Variants in MALRD1 observed in about 807,000 individuals in gnomAD.
MALRD1 encodes MAM and LDL-receptor class A domain-containing protein 1.
A neutral mutation model predicts 242.1 loss-of-function variants in MALRD1; 247 were observed. That is an observed-to-expected ratio of 1.02 (90% CI 0.92 to 1.13). The LOEUF (loss-of-function observed/expected upper bound fraction) is 1.13. Ranked by LOEUF, MALRD1 falls within the 50% of genes most tolerant of loss-of-function variation. The pLI, the probability that MALRD1 is intolerant of heterozygous loss-of-function variation, is 0.00. For missense variants in MALRD1, 2,989 were observed against 2,533.1 expected, an observed-to-expected ratio of 1.18 and a Z score of -3.86; for synonymous variants, 995 against 866.6, an observed-to-expected ratio of 1.15 and a Z score of -2.60.
intron 31 of MALRD1, among the ~76,000 whole-genome samples, chr10:19,520,780 C>G (rs1833844153): frequency 6.6e-6 from 1 of 152,068 alleles, no homozygotes; most frequent in Non-Finnish European, 1.5e-5. Flanking sequence ...TCTACAGCTG[C>G]TCTATATTTC....
Position 19,439,833 on chromosome 10 carries a change from TCC to T in MALRD1, c.4846-10473_4846-10472del, listed in dbSNP as rs2096220698. 3.9e-5 allele frequency among the ~76,000 whole-genome samples: 6 copies of T among 152,330 alleles called. No homozygotes were observed. The South Asian group carries it at 1.2e-3, about 32-fold the overall frequency. On this transcript the variant is annotated intron_variant, in intron 28 of 39. Transcript: ENST00000454679. ...CTTCCCCACTCCATTTCCCTTTTAC[TCC>T]ATAGGCAACCTTTCTAATGTATATT...
At position 19,688,338 on chromosome 10, in the gene MALRD1, C is replaced by T. The variant is rs146701719; in HGVS notation, c.6138-3944C>T. On this transcript the variant is annotated intron_variant, in intron 36 of 39. Transcript: ENST00000454679. ...ATGTTGGAATGCAGTGCATAGCTCC[C>T]GGCAGCCTCCAACTCTTGGGCTTAA... is the stretch of plus-strand genomic sequence containing the variant. Among the ~76,000 whole-genome samples the T allele has an allele frequency of 1.6e-3, 250 of 152,082 alleles. 7 individuals are homozygous for T. The highest frequency in any genetic ancestry group is 0.016 in the East Asian group (84 of 5,160).
chr10:19,614,158 G>A (rs1290394811), intron 35 of MALRD1, among the ~76,000 whole-genome samples: 1 of 151,958 alleles, frequency 6.6e-6, no homozygotes, highest in Non-Finnish European at 1.5e-5. Flanking sequence ...AACCCTATGA[G>A]ATACTTATTG....
chr10:19,703,023 T>G (rs1398061060), intron 38 of MALRD1, among the ~76,000 whole-genome samples: 1 of 152,314 alleles, frequency 6.6e-6, no homozygotes, highest in East Asian at 1.9e-4. Flanking sequence ...TCCTGGATTT[T>G]ATTATACATT....
rs181419000 is a variant in MALRD1 at position 19,731,451 on chromosome 10, A to G, written c.6390+670A>G. ...TATACATTGTGAAGTGATTACTACA[A>G]TGAAACTATTTAAAATATCTATCAC... On this transcript the variant is annotated intron_variant, in intron 39 of 39. Transcript: ENST00000454679. Among the ~76,000 whole-genome samples, 27 of 152,154 alleles carry G rather than the reference A, an allele frequency of 1.8e-4. No individual in the cohort carries two copies. The East Asian group carries it at 4.8e-3, about 27-fold the overall frequency.
intron 9 of MALRD1, among the ~76,000 whole-genome samples, 178 bp downstream of exon 9, chr10:19,134,126 A>G (rs1833229530): frequency 2.0e-5 from 3 of 152,104 alleles, no homozygotes; most frequent in Admixed American, 1.3e-4. Context: ...CTGAGACCAA[A>G]TTTCCCATGG....
At chr10:19,290,446 A>G (rs1379914890) in intron 21 of MALRD1, 6 of 152,210 alleles carry the variant, frequency 3.9e-5, no homozygotes, top group South Asian at 2.1e-4. Flanking sequence ...TAATCAAGGT[A>G]TATGGAAATA....
At chr10:19,457,375 T>A (rs1835714205) in intron 29 of MALRD1, among the ~76,000 whole-genome samples, 1 of 152,034 alleles carries the variant, frequency 6.6e-6, no homozygotes. Flanking sequence ...TAAAGCGGGT[T>A]TATTACGTAC....
intron 5 of MALRD1, among the ~76,000 whole-genome samples, 187 bp from the exon 6 acceptor site, chr10:19,123,305 A>ATGTGTGTGTG (rs35317209): frequency 1.3e-5 from 2 of 149,880 alleles, no homozygotes; most frequent in Non-Finnish European, 3.0e-5. Flanking sequence ...AGTGGTGTGT[A>ATGTGTGTGTG]TGTGTGTGTG....
chr10:19,654,289 TG>T (rs1841037570), intron 36 of MALRD1, among the ~76,000 whole-genome samples: 1 of 147,428 alleles, frequency 6.8e-6, no homozygotes, highest in Non-Finnish European at 1.5e-5. Flanking sequence ...ATCAAAAAAG[TG>T]GGGTTTTTTT....
rs34768480 is a variant in MALRD1 at position 19,137,607 on chromosome 10, GAA to G, written c.1411+849_1411+850del. On this transcript the variant is annotated intron_variant, in intron 10 of 39. Transcript: ENST00000454679. ...CAGGCGACAGCGTGAGACTCCGTCT[GAA>G]AAAAAAAAAAAAAAAAAAAAAAGAA... Among the ~76,000 whole-genome samples, 248 of 84,410 alleles carry G rather than the reference GAA, an allele frequency of 2.9e-3. 1 individual carries two copies. Among genetic ancestry groups the G allele is most frequent in the African/African-American group, 7.6e-3 (171 of 22,582 alleles). 55.4% of individuals were successfully genotyped at this position (84,410 alleles called of 152,430 possible).
intron 28 of MALRD1, among the ~76,000 whole-genome samples, chr10:19,417,292 CAATA>C (rs1833547537): frequency 2.0e-5 from 3 of 152,104 alleles, no homozygotes; most frequent in Non-Finnish European, 4.4e-5. Context: ...ATTGGATTTA[CAATA>C]AATTTAGCAT....
In MALRD1 at chr10:19,664,553, T is replaced by C. The variant is rs185569838; in HGVS notation, c.6138-27729T>C. On this transcript the variant is annotated intron_variant, in intron 36 of 39. Coordinates refer to ENST00000454679, the MANE Select transcript of MALRD1 (RefSeq NM_001142308.3). ...TTGTATATGTCAAAAGCAAGCTTGT[T>C]TATTAAGTTAAAGGCTTCACAGAAT... 1.6e-4 allele frequency among the ~76,000 whole-genome samples: 25 copies of C among 151,918 alleles called. No individual in the cohort carries two copies. In the East Asian group the frequency reaches 4.2e-3, roughly 26 times the overall value.
intron 2 of MALRD1, among the ~76,000 whole-genome samples, chr10:19,074,771 A>G (rs908867641): frequency 6.6e-6 from 1 of 152,076 alleles, no homozygotes; most frequent in Non-Finnish European, 1.5e-5. Context: ...ATTTGGCAGC[A>G]AATTTATTTT....
At chr10:19,087,313 G>A (rs933946382) in intron 2 of MALRD1, among the ~76,000 whole-genome samples, 1 of 151,968 alleles carries the variant, frequency 6.6e-6, no homozygotes, top group Non-Finnish European at 1.5e-5. Context: ...ATTGGGTTGC[G>A]AACTGTAGCC....
chr10:19,342,259 C>T (rs182751378), intron 24 of MALRD1, among the ~76,000 whole-genome samples: 78 of 152,176 alleles, frequency 5.1e-4, no homozygotes, highest in Admixed American at 9.8e-4. Context: ...GTACTGAAAA[C>T]GACTGACCTG....
intron 26 of MALRD1, among the ~76,000 whole-genome samples, chr10:19,385,689 A>G (rs926566914): frequency 2.0e-4 from 30 of 151,902 alleles, no homozygotes; most frequent in African/African-American, 6.8e-4. Context: ...TGAACCATGT[A>G]TTTTATTGAC....
chr10:19,388,965 T>A (rs181020008), intron 27 of MALRD1, among the ~76,000 whole-genome samples: 9 of 151,368 alleles, frequency 5.9e-5, no homozygotes, highest in African/African-American at 2.2e-4. Flanking sequence ...TCTACATACA[T>A]GAAATGTTAT....
At chr10:19,448,265 C>G in intron 28 of MALRD1, among the ~76,000 whole-genome samples, 1 of 152,100 alleles carries the variant, frequency 6.6e-6, no homozygotes, top group Non-Finnish European at 1.5e-5. Flanking sequence ...TCTATTGGAA[C>G]ATTTTGCTTC....
Sources: allele counts gnomAD v4.1 joint callset (sites outside exome capture counted in the v4.1 genomes callset), GRCh38; gene constraint gnomAD v4.1.1; transcripts MANE v1.5; gene names NCBI Gene and HGNC (gene_info 2026-07-23, HGNC 2026-07-21).